The following NPRL3 variants were observed in gnomAD, a reference collection of about 807,000 sequenced individuals.
NPRL3 encodes the protein GATOR1 complex protein NPRL3.
In NPRL3, 23 loss-of-function variants were observed where a neutral mutation model predicts 57.2. The ratio of observed to expected loss-of-function variants is 0.40; its 90% CI spans 0.29 to 0.57. The LOEUF (loss-of-function observed/expected upper bound fraction) is 0.57. Ranked by LOEUF, NPRL3 falls within the 20% of genes least tolerant of loss-of-function variation. NPRL3 has a pLI of 0.42. For missense variants in NPRL3, 691 were observed against 767.1 expected, an observed-to-expected ratio of 0.90 and a Z score of 1.17; for synonymous variants, 333 against 321.1, an observed-to-expected ratio of 1.04 and a Z score of -0.39.
At chr16:94,752 G>C (rs1898915783) in intron 9 of NPRL3, among the ~76,000 whole-genome samples, 1 of 152,084 alleles carries the variant, frequency 6.6e-6, no homozygotes, top group South Asian at 2.1e-4. Flanking sequence ...GACATGGCAG[G>C]TTTCAGCTCC....
chr16:130,564 C>T lies in NPRL3; in HGVS notation c.146G>A (p.Ser49Asn). ...CTCATCAGCATGGTCGCCCGTGTTG[C>T]TGGCAGCGTATCTGCTACGCGGCTT... is the stretch of plus-strand genomic sequence containing the variant. ...TSKPRSRYAA[S>N]NTGDHADEQD... Residue 49 changes from serine (S) to asparagine (N), a missense_variant, in exon 3 of 14, where the codon AGC (serine) becomes AAC (asparagine). By Grantham distance (46) the Ser-to-Asn change is conservative. Transcript: ENST00000611875. The T allele has an allele frequency of 6.4e-7, 1 of 1,555,416 alleles. No individual in the cohort carries two copies. The highest frequency in any genetic ancestry group is 8.7e-7 in the Non-Finnish European group (1 of 1,149,164).
intron 7 of NPRL3, among the ~76,000 whole-genome samples, chr16:101,904 A>T (rs1461288971): frequency 1.3e-5 from 2 of 152,084 alleles, no homozygotes; most frequent in African/African-American, 4.8e-5. Context: ...TTGACACTCC[A>T]ACCCCTGACC....
chr16:113,319 T>C (rs749363460), intron 5 of NPRL3, among the ~76,000 whole-genome samples: 12 of 152,198 alleles, frequency 7.9e-5, no homozygotes, highest in Non-Finnish European at 1.5e-4. Flanking sequence ...AGGCCAATTG[T>C]TCACTGAATA....
At chr16:117,858 C>CA (rs1159373302) in intron 4 of NPRL3, among the ~76,000 whole-genome samples, 2 of 152,266 alleles carry the variant, frequency 1.3e-5, no homozygotes, top group East Asian at 3.8e-4. Flanking sequence ...GCCAGCTTCA[C>CA]AAGGACCAGG....
chr16:122,244 G>A (rs930380857), intron 3 of NPRL3, among the ~76,000 whole-genome samples: 1 of 151,850 alleles, frequency 6.6e-6, no homozygotes, highest in Non-Finnish European at 1.5e-5. Context: ...TTACAGGCGC[G>A]TGCCACCAAG....
Position 100,421 on chromosome 16 carries a change from A to G in NPRL3, c.718T>C (p.Ser240Pro). ...ATGGCCTCTGGGGGGATCAGACTGG[A>G]GGCCGCATAGTGGATCTTGTGGGGC... Reference protein sequence around the residue: ...CLPHKIHYAASSLIPPEAIER... With the variant: ...CLPHKIHYAAPSLIPPEAIER... The change falls in exon 8 of 14, where the codon TCC becomes CCC. Residue 240 changes from serine to proline, a missense_variant. Physicochemically the swap from Ser to Pro is moderately conservative, Grantham distance 74 (BLOSUM62 -1). Coordinates refer to ENST00000611875, the MANE Select transcript of NPRL3 (RefSeq NM_001077350.3). 6.2e-7 allele frequency: 1 copy of G among 1,604,160 alleles called. No homozygotes were observed. Among genetic ancestry groups the G allele is most frequent in the South Asian group, 1.1e-5 (1 of 89,426 alleles).
rs1898806979 is a variant in NPRL3 at position 92,602 on chromosome 16, C to T, written c.1155G>A (p.Val385=). 6.2e-7 allele frequency: 1 copy of T among 1,613,194 alleles called. No individual in the cohort carries two copies. The highest frequency in any genetic ancestry group is 1.3e-5 in the African/African-American group (1 of 75,044). ...TTGAGCTTCTGTGACTCACCTCCTG[C>T]ACAGCGGGGGCCAGGGGATTCCTAA... ...SEFRNPLAPA[V]QETQLIQMVV... Residue 385 remains valine (V), a synonymous_variant, in exon 11 of 14, where the codon GTG becomes GTA. Coordinates refer to ENST00000611875, the MANE Select transcript of NPRL3 (RefSeq NM_001077350.3).
chr16:95,350 T>TAC lies in NPRL3; in HGVS notation c.925-2027_925-2026dup, dbSNP rs142854412. 3.0e-3 allele frequency among the ~76,000 whole-genome samples: 328 copies of TAC among 110,968 alleles called. 2 individuals are homozygous for TAC. The highest frequency in any genetic ancestry group is 6.9e-3 in the African/African-American group (187 of 27,150). 72.8% of individuals were successfully genotyped at this position (110,968 alleles called of 152,430 possible). A position where few individuals can be genotyped will look rare whatever the true frequency, so the allele number is the denominator to read the frequency against. ...GTATATATATATATATATATATATA[T>TAC]ACACACACACACACACACACACACA... On this transcript the variant is annotated intron_variant, in intron 9 of 13. Transcript: ENST00000611875.
chr16:123,282 T>A (rs1295084535), intron 3 of NPRL3, among the ~76,000 whole-genome samples: 2 of 152,126 alleles, frequency 1.3e-5, no homozygotes, highest in Admixed American at 1.3e-4. Flanking sequence ...CAGCCATGCC[T>A]TGGCCTCTCA....
At chr16:122,381 G>A (rs1900321876) in intron 3 of NPRL3, among the ~76,000 whole-genome samples, 1 of 152,236 alleles carries the variant, frequency 6.6e-6, no homozygotes, top group Non-Finnish European at 1.5e-5. Flanking sequence ...ACAGGCATGA[G>A]CCACTGCACC....
In NPRL3 at chr16:89,781, A is replaced by G. The variant is rs747988593; in HGVS notation, c.1283T>C (p.Val428Ala). ...ACCGCCGACCCGGGCAGTGAAGGGG[A>G]CGTCGTCCTCTCGCGGACGGGGCTC... ...EEEPRPREDD[V>A]PFTARVGGRS... Residue 428 changes from valine (V) to alanine (A), a missense_variant, in exon 12 of 14, where the codon GTC becomes GCC. Physicochemically the swap from Val to Ala is moderately conservative, Grantham distance 64. Coordinates refer to ENST00000611875, the MANE Select transcript of NPRL3 (RefSeq NM_001077350.3). The G allele has an allele frequency of 5.1e-5, 81 of 1,601,252 alleles. No homozygotes were observed. The highest frequency in any genetic ancestry group is 6.8e-5 in the Non-Finnish European group (80 of 1,175,458).
Position 138,143 on chromosome 16 carries a change from C to T in NPRL3, c.118+7G>A, listed in dbSNP as rs753617978. ...GAGCGCCAGGCCCCCGCCCAGCGCT[C>T]ACTTACTTGTCTGGGACGCCGGGTG... On this transcript the variant is annotated splice_region_variant and intron_variant, in intron 2 of 13. Transcript: ENST00000611875. The T allele has an allele frequency of 9.4e-6, 15 of 1,591,594 alleles. No homozygotes were observed. The African/African-American group carries it at 1.2e-4, about 13-fold the overall frequency.
chr16:92,929 C>G, intron 10 of NPRL3: 1 of 646,846 alleles, frequency 1.5e-6, no homozygotes, highest in South Asian at 1.9e-5. Flanking sequence ...GCCATGGGCA[C>G]AGTTCATCCT....
At chr16:97,444 A>C (rs1335313913) in intron 9 of NPRL3, among the ~76,000 whole-genome samples, 1 of 126,868 alleles carries the variant, frequency 7.9e-6, no homozygotes, top group African/African-American at 3.0e-5. Context: ...TTTTTTGTAG[A>C]GACGGGGTTT....
intron 12 of NPRL3, 30 bp from the exon 13 acceptor site, chr16:88,920 G>C: frequency 6.3e-7 from 1 of 1,593,164 alleles, no homozygotes; most frequent in Non-Finnish European, 8.6e-7. Context: ...GGGTGACCAA[G>C]TGGAATTCCA....
rs145699135 is a variant in NPRL3, at chr16:114,345, G to A, written c.394-1570C>T. On this transcript the variant is annotated intron_variant, in intron 5 of 13. Transcript: ENST00000611875. ...CTGAGAAAGCTAACACCTAGGGTGT[G>A]CCAGCACTAATGGGAACTTTTAGAA... is the stretch of plus-strand genomic sequence containing the variant. Among the ~76,000 whole-genome samples, 97 of 152,274 alleles carry A rather than the reference G, an allele frequency of 6.4e-4. 1 individual carries two copies. Among genetic ancestry groups the A allele is most frequent in the Middle Eastern group, 3.4e-3 (1 of 294 alleles).
At chr16:127,381 G>A (rs534866582) in intron 3 of NPRL3, among the ~76,000 whole-genome samples, 49 of 151,848 alleles carry the variant, frequency 3.2e-4, no homozygotes, top group African/African-American at 1.1e-3. Flanking sequence ...GACTAAGGGC[G>A]CAGGTCACCA....
At chr16:89,588 G>T in intron 12 of NPRL3, 125 bp downstream of exon 12, 1 of 878,496 alleles carries the variant, frequency 1.1e-6, no homozygotes, top group Non-Finnish European at 1.6e-6. Context: ...CACGAGGCAC[G>T]TGCATGTGCG....
At chr16:98,845 G>C (rs562725583) in intron 8 of NPRL3, among the ~76,000 whole-genome samples, 1 of 152,246 alleles carries the variant, frequency 6.6e-6, no homozygotes, top group Non-Finnish European at 1.5e-5. Context: ...GGCTGAGGCA[G>C]GAGAATCACT....
Sources: allele counts gnomAD v4.1 joint callset (sites outside exome capture counted in the v4.1 genomes callset), GRCh38; gene constraint gnomAD v4.1.1; transcripts MANE v1.5; gene names NCBI Gene and HGNC (gene_info 2026-07-23, HGNC 2026-07-21).